The following ECE1 variants were observed in gnomAD, a reference collection of about 807,000 sequenced individuals.
The protein encoded by ECE1 is endothelin converting enzyme 1, also known as endothelin-converting enzyme 1.
A neutral mutation model predicts 98.6 loss-of-function variants in ECE1; 35 were observed. The observed-to-expected ratio is 0.35, with a 90% CI of 0.27 to 0.47. The LOEUF (loss-of-function observed/expected upper bound fraction) is 0.47, where lower values mean the gene tolerates loss of function less well. ECE1 is among the 20% of genes least tolerant of loss of function. The pLI is 1.00. For synonymous variants in ECE1, 394 were observed against 407.1 expected (o/e 0.97, Z 0.39); for missense variants, 814 against 1,025.3 (o/e 0.79, Z 2.81).
chr1:21,343,974 G>A (rs1314860091), intron 1 of ECE1, among the ~76,000 whole-genome samples: 1 of 152,158 alleles, frequency 6.6e-6, no homozygotes, highest in Non-Finnish European at 1.5e-5. Flanking sequence ...TGCACTCCCT[G>A]TGTCGGAAAC....
intron 1 of ECE1, among the ~76,000 whole-genome samples, chr1:21,328,448 A>G (rs970209499): frequency 6.6e-6 from 1 of 152,190 alleles, no homozygotes; most frequent in African/African-American, 2.4e-5. Flanking sequence ...CTATGCTGAT[A>G]TTTGGCAGAT....
At chr1:21,323,060 T>G (rs1237306674) in intron 1 of ECE1, among the ~76,000 whole-genome samples, 1 of 152,198 alleles carries the variant, frequency 6.6e-6, no homozygotes, top group Non-Finnish European at 1.5e-5. Flanking sequence ...TTAAGTCTCA[T>G]TTCCTTTTGA....
intron 2 of ECE1, among the ~76,000 whole-genome samples, chr1:21,288,287 G>A (rs1188125792): frequency 1.3e-5 from 2 of 152,214 alleles, no homozygotes; most frequent in African/African-American, 4.8e-5. Flanking sequence ...CATCAATAAT[G>A]TGGCCACGCC....
intron 2 of ECE1, among the ~76,000 whole-genome samples, chr1:21,286,580 G>A (rs2098260733): frequency 6.6e-6 from 1 of 152,130 alleles, no homozygotes; most frequent in Admixed American, 6.5e-5. Context: ...TCTGTGCTTG[G>A]TTCAGAGTGA....
rs957799741 is a variant in ECE1 at position 21,259,269 on chromosome 1, T to C, written c.616-430A>G. ...CTACTTTAGTCTCAAAGTTGGGATT[T>C]TAAAAAAATTTTTTTTGAGATGGAG... On this transcript the variant is annotated intron_variant, in intron 5 of 18. Transcript: ENST00000374893. Among the ~76,000 whole-genome samples, 3 of 152,176 alleles carry C rather than the reference T, an allele frequency of 2.0e-5. No homozygotes were observed. The South Asian group carries it at 6.2e-4, about 32-fold the overall frequency.
In ECE1 at chr1:21,310,026, G is replaced by A. The variant is rs568013548; in HGVS notation, c.4-19870C>T. Among the ~76,000 whole-genome samples the A allele has an allele frequency of 5.3e-5, 8 of 150,598 alleles. No individual in the cohort carries two copies. In the East Asian group the frequency reaches 1.6e-3, roughly 29 times the overall value. The stretch of plus-strand genomic sequence containing the variant: ...AGGATGGTCTCGATCTCCTGACCTC[G>A]TGTCGTGATCCACCCGCCTCGGCCT... On this transcript the variant is annotated intron_variant, in intron 1 of 18. Transcript: ENST00000415912.
In ECE1 at chr1:21,319,114, G is replaced by A. The variant is rs1638905264; in HGVS notation, c.3+26262C>T. The stretch of plus-strand genomic sequence containing the variant: ...AATCCAAGCACTTTGGGAAGCCAAG[G>A]TGGGTGGATTGCCTGAGCTTAGGAG... On this transcript the variant is annotated intron_variant, in intron 1 of 18. Transcript: ENST00000415912. This position sits in a 1 kb window ranked among gnomAD's most constrained non-coding sequence, Gnocchi z 4.4. 6.6e-6 allele frequency among the ~76,000 whole-genome samples: 1 copy of A among 152,206 alleles called. No individual in the cohort carries two copies. Among genetic ancestry groups the A allele is most frequent in the Non-Finnish European group, 1.5e-5 (1 of 68,038 alleles).
chr1:21,245,174 G>T, intron 9 of ECE1, 71 bp from the exon 10 acceptor site: 1 of 1,367,748 alleles, frequency 7.3e-7, no homozygotes, highest in East Asian at 2.4e-5. Flanking sequence ...TCCCCTGCTG[G>T]CCCCTAGGGG....
intron 8 of ECE1, among the ~76,000 whole-genome samples, chr1:21,251,901 G>C (rs1012450075): frequency 1.3e-5 from 2 of 152,066 alleles, no homozygotes; most frequent in Non-Finnish European, 2.9e-5. Flanking sequence ...CCTCCTCCTG[G>C]TAGGAGGCCC....
intron 8 of ECE1, among the ~76,000 whole-genome samples, chr1:21,255,105 G>A (rs867915049): frequency 2.0e-5 from 3 of 152,228 alleles, no homozygotes; most frequent in Non-Finnish European, 1.5e-5. Context: ...AGCTGGAGGA[G>A]GGTAAAGGGC....
At position 21,345,291 on chromosome 1, in the gene ECE1, G is replaced by C. The variant is rs1639476674; in HGVS notation, c.3+85C>G. 1 of 1,296,814 alleles carries C rather than the reference G, an allele frequency of 7.7e-7. No homozygotes were observed. Among genetic ancestry groups the C allele is most frequent in the Non-Finnish European group, 9.8e-7 (1 of 1,016,038 alleles). 80.3% of individuals were successfully genotyped at this position (1,296,814 alleles called of 1,614,324 possible). A position where few individuals can be genotyped will look rare whatever the true frequency, so the allele number is the denominator to read the frequency against. ...CGCCCAGCCCCCCGCGAGCCAGGGCGGCCCCGGGTGCCACCCGCGGCACCG... is the reference window on the plus strand; with the variant it reads ...CGCCCAGCCCCCCGCGAGCCAGGGCCGCCCCGGGTGCCACCCGCGGCACCG... On this transcript the variant is annotated intron_variant, in intron 1 of 18. Coordinates refer to the ECE1 transcript ENST00000415912. The surrounding 1 kb of genome is among the most constrained non-coding windows in gnomAD (Gnocchi z 5.1).
At chr1:21,289,997 G>A in intron 2 of ECE1, 73 bp downstream of exon 2, 1 of 1,259,564 alleles carries the variant, frequency 7.9e-7, no homozygotes, top group Non-Finnish European at 1.0e-6. Context: ...TAGGGGCGGG[G>A]GGCGCGGCAG....
At chr1:21,302,950 C>T (rs1416728466) in intron 1 of ECE1, among the ~76,000 whole-genome samples, 1 of 152,144 alleles carries the variant, frequency 6.6e-6, no homozygotes, top group Non-Finnish European at 1.5e-5. Flanking sequence ...CTATCCTCAT[C>T]TCCAGCTCTC....
At chr1:21,299,104 G>A (rs1326121485) in intron 1 of ECE1, 5 of 335,624 alleles carry the variant, frequency 1.5e-5, no homozygotes, top group African/African-American at 6.5e-5. Context: ...AAGTTAACCC[G>A]TCTCATTGAA....
chr1:21,270,772 C>T (rs1049175034), intron 4 of ECE1, among the ~76,000 whole-genome samples: 8 of 152,108 alleles, frequency 5.3e-5, no homozygotes, highest in Admixed American at 4.6e-4. Flanking sequence ...GGCATGGTTC[C>T]CACTGTACTC....
chr1:21,232,266 A>T (rs548498908), intron 14 of ECE1, among the ~76,000 whole-genome samples: 1 of 151,742 alleles, frequency 6.6e-6, no homozygotes, highest in African/African-American at 2.4e-5. Flanking sequence ...GGCTGACTAC[A>T]TCTAATTTTT....
intron 17 of ECE1, 92 bp from the exon 18 acceptor site, chr1:21,221,934 T>A: frequency 8.8e-7 from 1 of 1,135,896 alleles, no homozygotes; most frequent in Non-Finnish European, 1.3e-6. Flanking sequence ...TCCCCCGTGT[T>A]GGGGCAAGGA....
chr1:21,254,068 C>CAAAA (rs57691016), intron 8 of ECE1, among the ~76,000 whole-genome samples: 2 of 99,094 alleles, frequency 2.0e-5, no homozygotes. Context: ...GACTTTGTCT[C>CAAAA]AAAAAAAAAA....
chr1:21,309,522 G>A lies in ECE1; in HGVS notation c.4-19366C>T, dbSNP rs114078206. Among the ~76,000 whole-genome samples the A allele has an allele frequency of 5.2e-3, 796 of 152,318 alleles. 6 individuals are homozygous for A. Among genetic ancestry groups the A allele is most frequent in the African/African-American group, 0.018 (745 of 41,560 alleles). On this transcript the variant is annotated intron_variant, in intron 1 of 18. Coordinates refer to the ECE1 transcript ENST00000415912. Reference sequence around the variant, plus strand: ...GGTGCATGAAGGAATGAGTCAATGCGTCGGAGCTCTGCTCTGTGGCACGAG... The same window carrying A: ...GGTGCATGAAGGAATGAGTCAATGCATCGGAGCTCTGCTCTGTGGCACGAG...
Sources: allele counts gnomAD v4.1 joint callset (sites outside exome capture counted in the v4.1 genomes callset), GRCh38; gene constraint gnomAD v4.1.1; non-coding constraint Gnocchi (gnomAD v3.1); transcripts MANE v1.5; gene names NCBI Gene and HGNC (gene_info 2026-07-23, HGNC 2026-07-21).